Variants in THBS3 observed in about 807,000 individuals in gnomAD.
THBS3 encodes thrombospondin-3.
THBS3 carries 78 observed loss-of-function variants against 118.3 expected under a neutral mutation model. That is an observed-to-expected ratio of 0.66 (90% CI 0.55 to 0.80). The LOEUF (loss-of-function observed/expected upper bound fraction) is 0.80. THBS3 is among the 30% of genes least tolerant of loss of function. The pLI is 0.00. For missense variants in THBS3, 1,057 were observed against 1,247.4 expected (o/e 0.85, Z 2.30); for synonymous variants, 427 against 475.3 (o/e 0.90, Z 1.32).
intron 17 of THBS3, 85 bp downstream of exon 17, chr1:155,198,324 C>T (rs1669045603): frequency 6.3e-7 from 1 of 1,586,316 alleles, no homozygotes; most frequent in Admixed American, 1.7e-5. Context: ...CCCACCTTGC[C>T]CTTCCTCACT....
At chr1:155,204,607 G>A (rs998836324) in intron 4 of THBS3, among the ~76,000 whole-genome samples, 1 of 151,498 alleles carries the variant, frequency 6.6e-6, no homozygotes, top group African/African-American at 2.4e-5. Flanking sequence ...AAATACTCGA[G>A]ACCAGTATCT....
chr1:155,207,702 T>C, intron 1 of THBS3, 96 bp downstream of exon 1: 1 of 1,314,096 alleles, frequency 7.6e-7, no homozygotes, highest in Non-Finnish European at 1.1e-6. Context: ...TCTGGACTCT[T>C]CCCCTCTCCC....
At chr1:155,203,167 T>G in intron 6 of THBS3, 30 bp from the exon 7 acceptor site, 1 of 1,614,160 alleles carries the variant, frequency 6.2e-7, no homozygotes, top group Non-Finnish European at 8.5e-7. Flanking sequence ...AGTCAGCACT[T>G]GACATCTGCC....
chr1:155,207,034 T>C (rs1670654042), intron 1 of THBS3, among the ~76,000 whole-genome samples: 1 of 152,136 alleles, frequency 6.6e-6, no homozygotes. Flanking sequence ...GCAAAGGAGA[T>C]GCTGTGCTGA....
chr1:155,203,726 G>A (rs1670147004), intron 4 of THBS3, among the ~76,000 whole-genome samples, 187 bp from the exon 5 acceptor site: 2 of 152,314 alleles, frequency 1.3e-5, no homozygotes, highest in South Asian at 4.1e-4. Flanking sequence ...GGGGCAAAAG[G>A]CCCTCTAAGG....
chr1:155,207,848 AG>A lies in THBS3; in HGVS notation c.28del (p.Leu10TrpfsTer18). 1 of 1,614,060 alleles carries A rather than the reference AG, an allele frequency of 6.2e-7. No homozygotes were observed. The highest frequency in any genetic ancestry group is 8.5e-7 in the Non-Finnish European group (1 of 1,180,014). On this transcript the variant is annotated frameshift_variant, in exon 1 of 23. Coordinates refer to ENST00000368378, the MANE Select transcript of THBS3 (RefSeq NM_007112.5). LOFTEE classifies it high-confidence loss of function. Reference protein sequence around the residue: METQELRGALALLLLCFFTS... With the variant: METQELRGAXALLLLCFFTS... ...GAAAAAGCAAAGGAGGAGAAGAGCC[AG>A]GGCCCCCCGAAGTTCCTGCGTCTCC...
rs1003428556 is a variant in THBS3 at position 155,198,340 on chromosome 1, A to G, written c.2074+69T>C. 6.9e-6 allele frequency: 11 copies of G among 1,589,330 alleles called. No homozygotes were observed. The South Asian group carries it at 6.9e-5, about 10-fold the overall frequency. On this transcript the variant is annotated intron_variant, in intron 17 of 22. Coordinates refer to ENST00000368378, the MANE Select transcript of THBS3 (RefSeq NM_007112.5). ...CCACCTTGCCCTTCCTCACTTCCCA[A>G]CAGGGCTTGCTGCCTCCACCTGGGC...
chr1:155,202,305 G>T lies in THBS3; in HGVS notation c.1054C>A (p.Gln352Lys). 1.2e-6 allele frequency: 2 copies of T among 1,614,120 alleles called. No homozygotes were observed. The highest frequency in any genetic ancestry group is 1.7e-6 in the Non-Finnish European group (2 of 1,180,020). Reference protein sequence around the residue: ...EACPRGYKGTQVSGVGIDYAR... With the variant: ...EACPRGYKGTKVSGVGIDYAR... The stretch of plus-strand genomic sequence containing the variant: ...TAGTCAATGCCCACACCAGACACCT[G>T]TGTGCCCTTGTACCCTCGAGGACAG... The change falls in exon 9 of 23, where the codon CAG becomes AAG. Residue 352 changes from glutamine (Q) to lysine (K), a missense_variant. Gln to Lys is a moderately conservative substitution (Grantham distance 53). This residue lies in a region of THBS3 where 544 missense variants were observed against 715.6 expected (regional missense o/e 0.76). Transcript: ENST00000368378. The surrounding 1 kb of genome is among the most constrained non-coding windows in gnomAD (Gnocchi z 5.5).
Position 155,199,882 on chromosome 1 carries a change from C to T in THBS3, c.1828-26G>A, listed in dbSNP as rs181578833. The T allele has an allele frequency of 2.7e-5, 44 of 1,614,112 alleles. No individual in the cohort carries two copies. The East Asian group carries it at 9.8e-4, about 36-fold the overall frequency. On this transcript the variant is annotated intron_variant, in intron 15 of 22. Transcript: ENST00000368378. ...CTGAGAGAGAGGGACCTGTTCTCAC[C>T]ATCTCCTCTTGATAACTCTGAAGAG...
Position 155,203,516 on chromosome 1 carries a change from G to C in THBS3, c.670C>G (p.Leu224Val), listed in dbSNP as rs148834141. ...SAVTNALHSI[L>V]GEQTKALVTQ... ...CGCTTCAGTGTGGCCTACTCACCTA[G>C]AATGGAGTGCAGTGCATTGGTCACT... The change falls in exon 5 of 23, where the codon CTA becomes GTA. Residue 224 changes from leucine (L) to valine (V), a missense_variant. Leu to Val is a conservative substitution (Grantham distance 32). This residue lies in a region of THBS3 where 544 missense variants were observed against 715.6 expected (regional missense o/e 0.76). Coordinates refer to ENST00000368378, the MANE Select transcript of THBS3 (RefSeq NM_007112.5). The C allele has an allele frequency of 1.2e-6, 2 of 1,613,672 alleles. No individual in the cohort carries two copies. The highest frequency in any genetic ancestry group is 2.7e-5 in the African/African-American group (2 of 74,936).
chr1:155,197,666 T>TG lies in THBS3; in HGVS notation c.2303-8dup. On this transcript the variant is annotated splice_polypyrimidine_tract_variant and splice_region_variant and intron_variant, in intron 19 of 22. Coordinates refer to ENST00000368378, the MANE Select transcript of THBS3 (RefSeq NM_007112.5). This position sits in a 1 kb window ranked among gnomAD's most constrained non-coding sequence, Gnocchi z 5.0. ...CCATTGAAGGCCGTGTATCCTGGGG[T>TG]GGGGGTGGGATAAAGGTCAGGGGCA... is the stretch of plus-strand genomic sequence containing the variant. 3 of 564,492 alleles carry TG rather than the reference T, an allele frequency of 5.3e-6. No individual in the cohort carries two copies. The highest frequency in any genetic ancestry group is 6.5e-4 in the Middle Eastern group (2 of 3,056). The allele number at this position is 564,492 out of a possible 1,614,324, so 35.0% of individuals were successfully genotyped here. A position where few individuals can be genotyped will look rare whatever the true frequency, so the allele number is the denominator to read the frequency against.
chr1:155,195,746 G>T lies in THBS3; in HGVS notation c.*95C>A. ...GGAGCCAGAGAAGGGTCTGTGGTTG[G>T]CTGAGGGGCTGTAGCTTAGACCTCA... On this transcript the variant is annotated 3_prime_UTR_variant, in exon 23 of 23. Transcript: ENST00000368378. The T allele has an allele frequency of 7.4e-7, 1 of 1,355,920 alleles. No homozygotes were observed. Among genetic ancestry groups the T allele is most frequent in the Non-Finnish European group, 1.0e-6 (1 of 967,916 alleles). The allele number at this position is 1,355,920 out of a possible 1,614,324, so 84.0% of individuals were successfully genotyped here.
At position 155,206,383 on chromosome 1, in the gene THBS3, C is replaced by T. The variant is rs1341164748; in HGVS notation, c.103G>A (p.Glu35Lys). Residue 35 changes from glutamate (E) to lysine (K), a missense_variant, in exon 2 of 23, where the codon GAG becomes AAG. Physicochemically the swap from Glu to Lys is moderately conservative, Grantham distance 56 (BLOSUM62 1). Around this residue, in one of 3 missense-constraint regions of THBS3, gnomAD observed 206 missense variants for 205.7 expected, o/e 1.00. Coordinates refer to ENST00000368378, the MANE Select transcript of THBS3 (RefSeq NM_007112.5). The surrounding 1 kb of genome is among the most constrained non-coding windows in gnomAD (Gnocchi z 4.2). ...GCCACAGCTACCATCTGCCGAGACTCGCCCACAGTCAGCAGGTCAATTACT... is the reference window on the plus strand; with the variant it reads ...GCCACAGCTACCATCTGCCGAGACTTGCCCACAGTCAGCAGGTCAATTACT... The part of the protein sequence containing the change: ...LQVIDLLTVG[E>K]SRQMVAVAEK... 1.2e-6 allele frequency: 2 copies of T among 1,613,956 alleles called. No homozygotes were observed. Among genetic ancestry groups the T allele is most frequent in the African/African-American group, 1.3e-5 (1 of 74,898 alleles).
upstream of THBS3, chr1:155,208,682 C>A: frequency 1.8e-6 from 2 of 1,086,366 alleles, no homozygotes; most frequent in Non-Finnish European, 2.5e-6. Flanking sequence ...GCGAGCCTCT[C>A]TTCCCCTCCC....
At chr1:155,208,659 T>C, upstream of THBS3, 1 of 900,998 alleles carries the variant, frequency 1.1e-6, no homozygotes. Flanking sequence ...TCCCGTCACC[T>C]AAGCGACAGC....
rs1668888948 is a variant in THBS3, at chr1:155,197,585, C to G, written c.2377G>C (p.Gly793Arg). 6 of 1,611,908 alleles carry G rather than the reference C, an allele frequency of 3.7e-6. No individual in the cohort carries two copies. Among genetic ancestry groups the G allele is most frequent in the Non-Finnish European group, 5.1e-6 (6 of 1,179,166 alleles). ...CTGTCTTGATAACTGAAGAGAAAGC[C>G]TGCGTAGTCATCATCAGTCACTGTG... Reference protein sequence around the residue: ...VNTVTDDDYAGFLFSYQDSGR... With the variant: ...VNTVTDDDYARFLFSYQDSGR... Residue 793 changes from glycine (G) to arginine (R), a missense_variant, in exon 20 of 23, where the codon GGC becomes CGC. Gly to Arg is a moderately radical substitution (Grantham distance 125, BLOSUM62 -2). Around this residue, in one of 3 missense-constraint regions of THBS3, gnomAD observed 307 missense variants for 326.1 expected, o/e 0.94. Transcript: ENST00000368378. The surrounding 1 kb of genome is among the most constrained non-coding windows in gnomAD (Gnocchi z 5.0).
chr1:155,198,662 G>A (rs1388268743), intron 16 of THBS3, 60 bp from the exon 17 acceptor site: 25 of 1,535,618 alleles, frequency 1.6e-5, no homozygotes, highest in East Asian at 6.8e-5. Flanking sequence ...CCTTCCCTTC[G>A]CTTCTGCCTG....
Position 155,197,507 on chromosome 1 carries a change from C to G in THBS3, c.2455G>C (p.Ala819Pro). The G allele has an allele frequency of 6.2e-7, 1 of 1,614,038 alleles. No homozygotes were observed. The highest frequency in any genetic ancestry group is 8.5e-7 in the Non-Finnish European group (1 of 1,180,020). Residue 819 changes from alanine (A) to proline (P), a missense_variant, in exon 20 of 23, where the codon GCT (alanine) becomes CCT (proline). Around this residue, in one of 3 missense-constraint regions of THBS3, gnomAD observed 307 missense variants for 326.1 expected, o/e 0.94. Coordinates refer to ENST00000368378, the MANE Select transcript of THBS3 (RefSeq NM_007112.5). The surrounding 1 kb of genome is among the most constrained non-coding windows in gnomAD (Gnocchi z 5.0). ...WKQTEQTYWQ[A>P]TPFRAVAQPG... ...TGGGCAACCGCCCGGAAGGGTGTAG[C>G]CTGCCAGTAGGTCTGCTCGGTCTGC...
Position 155,198,451 on chromosome 1 carries a change from T to C in THBS3, c.2032A>G (p.Asn678Asp), listed in dbSNP as rs777721916. Reference protein sequence around the residue: ...IPDYVPPGPDNCRLVPNPNQK... With the variant: ...IPDYVPPGPDDCRLVPNPNQK... ...TTGGGATTGGGTACCAGGCGGCAGT[T>C]ATCGGGACCAGGAGGCACATAATCT... The change falls in exon 17 of 23, where the codon AAC becomes GAC. Residue 678 changes from asparagine (N) to aspartate (D), a missense_variant. Physicochemically the swap from Asn to Asp is conservative, Grantham distance 23. Coordinates refer to ENST00000368378, the MANE Select transcript of THBS3 (RefSeq NM_007112.5). The C allele has an allele frequency of 7.4e-6, 12 of 1,614,166 alleles. No individual in the cohort carries two copies. The highest frequency in any genetic ancestry group is 1.0e-5 in the Non-Finnish European group (12 of 1,180,030).
Sources: allele counts gnomAD v4.1 joint callset (sites outside exome capture counted in the v4.1 genomes callset), GRCh38; gene constraint gnomAD v4.1.1; regional missense constraint gnomAD v4.1.1; non-coding constraint Gnocchi (gnomAD v3.1); transcripts MANE v1.5; gene names NCBI Gene and HGNC (gene_info 2026-07-23, HGNC 2026-07-21).